Variants in PCSK6 observed in about 807,000 individuals in gnomAD.
The protein encoded by PCSK6 is proprotein convertase subtilisin/kexin type 6, also known as paired basic amino acid cleaving enzyme 4.
In PCSK6, 85 loss-of-function variants were observed where a neutral mutation model predicts 123.3. The ratio of observed to expected loss-of-function variants is 0.69; its 90% confidence interval spans 0.58 to 0.83. The LOEUF (loss-of-function observed/expected upper bound fraction) is 0.83, where lower values mean the gene tolerates loss of function less well. PCSK6 is among the 40% of genes least tolerant of loss of function. The probability of loss-of-function intolerance (pLI) is 0.00; values close to 1 mark genes in which losing one functional copy is unlikely to be tolerated. For missense variants in PCSK6, 1,191 were observed against 1,282.3 expected, an observed-to-expected ratio of 0.93 and a Z score of 1.09; for synonymous variants, 508 against 516.0, an observed-to-expected ratio of 0.98 and a Z score of 0.21.
chr15:101,364,773 A>G (rs867541676), intron 13 of PCSK6: 6 of 447,104 alleles, frequency 1.3e-5, no homozygotes, highest in Middle Eastern at 1.2e-3. Flanking sequence ...CAGAATTCCA[A>G]CTACCTTTTA....
At position 101,431,483 on chromosome 15, in the gene PCSK6, A is replaced by G. The variant is rs778900480; in HGVS notation, c.514-20T>C. On this transcript the variant is annotated intron_variant, in intron 3 of 21. Transcript: ENST00000611716. ...ACAATGCTGTAAGCACGAAAGACAC[A>G]AAGTCCCCCCGACATGGACATTCCA... 8.7e-6 allele frequency: 14 copies of G among 1,613,150 alleles called. No individual in the cohort carries two copies. Among genetic ancestry groups the G allele is most frequent in the Non-Finnish European group, 1.1e-5 (13 of 1,179,686 alleles).
chr15:101,354,962 C>T (rs2040998129), intron 13 of PCSK6, among the ~76,000 whole-genome samples: 1 of 152,206 alleles, frequency 6.6e-6, no homozygotes, highest in Non-Finnish European at 1.5e-5. Context: ...TTTGTAACAG[C>T]GAGATAAAAT....
Position 101,313,262 on chromosome 15 carries a change from G to A in PCSK6, c.2699+114C>T, listed in dbSNP as rs746073026. 4 of 1,580,528 alleles carry A rather than the reference G, an allele frequency of 2.5e-6. No individual in the cohort carries two copies. The South Asian group carries it at 3.4e-5, about 14-fold the overall frequency. ...TGTAAATGGGCTCCTGTCCACAGTG[G>A]GGTGATGCAACATGCCCTCCCCGGC... is the stretch of plus-strand genomic sequence containing the variant. On this transcript the variant is annotated intron_variant, in intron 20 of 21. Transcript: ENST00000611716.
At chr15:101,461,789 AG>A (rs1387749999) in intron 1 of PCSK6, among the ~76,000 whole-genome samples, 1 of 152,228 alleles carries the variant, frequency 6.6e-6, no homozygotes, top group African/African-American at 2.4e-5. Context: ...AAAAACTCTT[AG>A]CAAATTAAAA....
chr15:101,320,833 G>A (rs961901896), intron 18 of PCSK6, among the ~76,000 whole-genome samples: 8 of 152,190 alleles, frequency 5.3e-5, no homozygotes, highest in African/African-American at 1.9e-4. Context: ...TGTGGCTGAC[G>A]GCTGGCGATG....
chr15:101,413,285 G>A (rs28844427), intron 6 of PCSK6, among the ~76,000 whole-genome samples: 40,723 of 151,908 alleles, frequency 0.27, 5,932 homozygotes, highest in East Asian at 0.38. Flanking sequence ...AGGAAGGTAA[G>A]GTTTCTGTAC....
intron 7 of PCSK6, among the ~76,000 whole-genome samples, chr15:101,394,261 C>T (rs151022569): frequency 1.2e-4 from 18 of 151,820 alleles, no homozygotes; most frequent in South Asian, 8.3e-4. Context: ...AGAAGTGTGC[C>T]GCCATGCCCA....
At chr15:101,403,087 A>C (rs919606830) in intron 6 of PCSK6, among the ~76,000 whole-genome samples, 2 of 152,118 alleles carry the variant, frequency 1.3e-5, no homozygotes, top group African/African-American at 4.8e-5. Context: ...AATACTATGC[A>C]GCCATAAAAA....
intron 13 of PCSK6, chr15:101,347,773 G>C (rs769042401): frequency 6.2e-7 from 1 of 1,613,454 alleles, no homozygotes; most frequent in Non-Finnish European, 8.5e-7. Flanking sequence ...TTTAGTCCAG[G>C]TTCCCTGGAA....
At chr15:101,350,444 T>C (rs545437164) in intron 13 of PCSK6, among the ~76,000 whole-genome samples, 5 of 152,340 alleles carry the variant, frequency 3.3e-5, no homozygotes, top group South Asian at 2.1e-4. Context: ...GCCTGTGTAT[T>C]AGAATTTTTT....
chr15:101,442,758 G>A (rs781587833), intron 2 of PCSK6, among the ~76,000 whole-genome samples: 39 of 152,124 alleles, frequency 2.6e-4, no homozygotes, highest in Non-Finnish European at 4.1e-4. Flanking sequence ...AATGACCTCC[G>A]TTCCTTGCTG....
intron 12 of PCSK6, among the ~76,000 whole-genome samples, chr15:101,367,201 G>A (rs1374811758): frequency 6.6e-6 from 1 of 152,186 alleles, no homozygotes; most frequent in Non-Finnish European, 1.5e-5. Flanking sequence ...GAAACAGGAA[G>A]CAACTAATCA....
chr15:101,443,088 G>A (rs1001559188), intron 2 of PCSK6, among the ~76,000 whole-genome samples: 1 of 152,206 alleles, frequency 6.6e-6, no homozygotes, highest in African/African-American at 2.4e-5. Flanking sequence ...TACGGGTTAT[G>A]TTAAAATTTA....
Position 101,489,326 on chromosome 15 carries a change from CGGAGGCCGCCG to C in PCSK6, c.297+37_297+47del, listed in dbSNP as rs1596195596. 1.0e-5 allele frequency: 11 copies of C among 1,095,568 alleles called. No individual in the cohort carries two copies. The East Asian group carries it at 6.6e-4, about 66-fold the overall frequency. 67.9% of individuals were successfully genotyped at this position (1,095,568 alleles called of 1,614,324 possible). ...GCGGAGGCGCCCCCCTCGCGCGCGC[CGGAGGCCGCCG>C]GGAAAGTTTTGGGCGCGCGGGGCCG... is the stretch of plus-strand genomic sequence containing the variant. On this transcript the variant is annotated intron_variant, in intron 1 of 21. Transcript: ENST00000611716.
At chr15:101,419,214 G>T (rs2141082299) in intron 6 of PCSK6, among the ~76,000 whole-genome samples, 1 of 151,542 alleles carries the variant, frequency 6.6e-6, no homozygotes. Flanking sequence ...GAATCCAACG[G>T]AAAAACAACA....
chr15:101,445,920 C>A (rs2056877528), intron 1 of PCSK6, among the ~76,000 whole-genome samples: 1 of 152,250 alleles, frequency 6.6e-6, no homozygotes, highest in Non-Finnish European at 1.5e-5. Flanking sequence ...GGGGAAGCCA[C>A]CTTTCCCCTC....
chr15:101,462,960 G>A, intron 1 of PCSK6: 1 of 453,436 alleles, frequency 2.2e-6, no homozygotes, highest in Non-Finnish European at 4.4e-6. Context: ...CCCAGGAGCA[G>A]CCTGGGAAGG....
At chr15:101,353,868 G>A (rs1425463051) in intron 13 of PCSK6, among the ~76,000 whole-genome samples, 1 of 152,218 alleles carries the variant, frequency 6.6e-6, no homozygotes, top group Non-Finnish European at 1.5e-5. Flanking sequence ...GCTCAGTCAG[G>A]CTCTGGGTGG....
chr15:101,370,756 T>C (rs2020951), intron 11 of PCSK6, among the ~76,000 whole-genome samples: 67,683 of 152,206 alleles, frequency 0.44, 15,812 homozygotes, highest in East Asian at 0.81. Flanking sequence ...ATTTGAAAGA[T>C]GGTTCGGCTG....
Sources: allele counts gnomAD v4.1 joint callset (sites outside exome capture counted in the v4.1 genomes callset), GRCh38; gene constraint gnomAD v4.1.1; transcripts MANE v1.5; gene names NCBI Gene and HGNC (gene_info 2026-07-23, HGNC 2026-07-21).